The following TNIP3 variants were observed in gnomAD, a reference collection of about 807,000 sequenced individuals.
TNIP3 encodes the protein TNFAIP3 interacting protein 3, also known as TNFAIP3-interacting protein 3.
In TNIP3, 34 loss-of-function variants were observed where a neutral mutation model predicts 54.1. That is an observed-to-expected ratio of 0.63 (90% CI 0.48 to 0.84). TNIP3 has a LOEUF of 0.84. TNIP3 is among the 40% of genes least tolerant of loss of function. TNIP3 has a pLI of 0.00. For synonymous variants in TNIP3, 134 were observed against 136.8 expected (o/e 0.98, Z 0.14); for missense variants, 366 against 387.6 (o/e 0.94, Z 0.47).
intron 1 of TNIP3, among the ~76,000 whole-genome samples, chr4:121,163,579 T>C (rs1730587617): frequency 1.3e-5 from 2 of 152,180 alleles, no homozygotes; most frequent in African/African-American, 2.4e-5. Context: ...CTTAAATGAA[T>C]AGAAGTTTCC....
chr4:121,214,782 G>T (rs1399783616), intron 2 of TNIP3, among the ~76,000 whole-genome samples: 3 of 152,204 alleles, frequency 2.0e-5, no homozygotes, highest in Non-Finnish European at 2.9e-5. Context: ...ATCCTTAAAT[G>T]ACTCCTGTGA....
At chr4:121,223,043 G>T (rs1245450645) in intron 1 of TNIP3, among the ~76,000 whole-genome samples, 2 of 152,158 alleles carry the variant, frequency 1.3e-5, no homozygotes, top group Non-Finnish European at 2.9e-5. Flanking sequence ...CTGACCTCGT[G>T]ATCCGCCCGC....
chr4:121,164,017 A>G, intron 1 of TNIP3, 43 bp downstream of exon 1: 2 of 1,608,064 alleles, frequency 1.2e-6, no homozygotes, highest in Non-Finnish European at 1.7e-6. Context: ...AATGCCATCA[A>G]TGCTAGATGT....
chr4:121,204,369 A>T (rs1247630421), intron 2 of TNIP3, among the ~76,000 whole-genome samples: 2 of 152,126 alleles, frequency 1.3e-5, no homozygotes, highest in Admixed American at 6.6e-5. Context: ...TACCCACTTC[A>T]AGTTGTCCTG....
rs535812923 is a variant in TNIP3 at position 121,209,829 on chromosome 4, T to A, written c.68+6586A>T. Among the ~76,000 whole-genome samples, 5 of 152,326 alleles carry A rather than the reference T, an allele frequency of 3.3e-5. No individual in the cohort carries two copies. The South Asian group carries it at 1.0e-3, about 32-fold the overall frequency. ...CTCACTCAACAAATATTTATTGAAG[T>A]TTGCTGCAGGCCAAGAACTATTCTA... On this transcript the variant is annotated intron_variant, in intron 2 of 12. Transcript: ENST00000507879.
chr4:121,141,616 TTCG>T (rs1185379546), intron 9 of TNIP3, among the ~76,000 whole-genome samples, 197 bp downstream of exon 9: 1 of 152,198 alleles, frequency 6.6e-6, no homozygotes, highest in Non-Finnish European at 1.5e-5. Context: ...AGTTAATTTA[TTCG>T]TATCTATGTG....
chr4:121,213,847 G>C (rs1459734613), intron 2 of TNIP3, among the ~76,000 whole-genome samples: 1 of 151,918 alleles, frequency 6.6e-6, no homozygotes, highest in East Asian at 1.9e-4. Context: ...TTCAAAAAAA[G>C]GATGACCCCA....
At position 121,147,114 on chromosome 4, in the gene TNIP3, CTTGA is replaced by C; in HGVS notation, c.666_669del (p.Asn222LysfsTer17). ...TTAATTTGCTGTAGCTCCTCTTTCT[CTTGA>C]TTAAGTCTCTCTCGATCCGATCGTT... On this transcript the variant is annotated frameshift_variant, in exon 7 of 11. Coordinates refer to ENST00000057513, the MANE Select transcript of TNIP3 (RefSeq NM_024873.6). LOFTEE classifies it high-confidence loss of function. The C allele has an allele frequency of 6.2e-7, 1 of 1,613,430 alleles. No individual in the cohort carries two copies. The highest frequency in any genetic ancestry group is 8.5e-7 in the Non-Finnish European group (1 of 1,179,616).
intron 7 of TNIP3, among the ~76,000 whole-genome samples, chr4:121,144,153 G>A (rs990751665): frequency 6.6e-6 from 1 of 152,152 alleles, no homozygotes; most frequent in African/African-American, 2.4e-5. Context: ...GACTGTACAT[G>A]TCTCTTTTAC....
At chr4:121,195,482 T>C (rs575215681) in intron 2 of TNIP3, among the ~76,000 whole-genome samples, 54 of 152,322 alleles carry the variant, frequency 3.5e-4, no homozygotes, top group Admixed American at 5.2e-4. Flanking sequence ...GAGTGGACCA[T>C]TTTTTCACAG....
chr4:121,150,269 T>C (rs1252423884), intron 5 of TNIP3, 50 bp from the exon 6 acceptor site: 2 of 1,147,770 alleles, frequency 1.7e-6, no homozygotes, highest in East Asian at 4.9e-5. Context: ...CCACATGGAA[T>C]GAATTCTTTT....
At chr4:121,179,254 G>T (rs569394856) in intron 3 of TNIP3, among the ~76,000 whole-genome samples, 11 of 152,156 alleles carry the variant, frequency 7.2e-5, no homozygotes, top group Non-Finnish European at 1.5e-4. Flanking sequence ...AAATATGTAC[G>T]AACTTGGCTT....
At chr4:121,216,346 C>A in intron 2 of TNIP3, 1 of 1,325,474 alleles carries the variant, frequency 7.5e-7, no homozygotes, top group Non-Finnish European at 1.0e-6. Flanking sequence ...ATCATTGCCA[C>A]AAAGCAGAAG....
At chr4:121,135,078 G>T (rs561329221) in intron 10 of TNIP3, among the ~76,000 whole-genome samples, 6 of 152,320 alleles carry the variant, frequency 3.9e-5, no homozygotes, top group African/African-American at 1.2e-4. Context: ...GGGAGAGAAG[G>T]TCGAGGGTCC....
chr4:121,148,323 AG>A (rs538543211), intron 6 of TNIP3, among the ~76,000 whole-genome samples: 18 of 152,230 alleles, frequency 1.2e-4, no homozygotes, highest in Non-Finnish European at 1.9e-4. Context: ...TCAGCAGTAG[AG>A]GCACTGCAAA....
Position 121,197,820 on chromosome 4 carries a change from G to A in TNIP3, c.69-15024C>T, listed in dbSNP as rs184092626. Among the ~76,000 whole-genome samples, 690 of 152,232 alleles carry A rather than the reference G, an allele frequency of 4.5e-3. 4 individuals are homozygous for A. The highest frequency in any genetic ancestry group is 6.7e-3 in the Non-Finnish European group (459 of 68,014). ...TTGGTATTATTCTTGTTAATAAGGA[G>A]AGCCGTATAAGAAAGTCAAAGTCCT... On this transcript the variant is annotated intron_variant, in intron 2 of 12. Coordinates refer to the TNIP3 transcript ENST00000507879.
chr4:121,224,452 CTT>C (rs1727176434), intron 1 of TNIP3, among the ~76,000 whole-genome samples: 1 of 152,148 alleles, frequency 6.6e-6, no homozygotes, highest in Non-Finnish European at 1.5e-5. Flanking sequence ...AGAATCCACA[CTT>C]TGGCTTTTAC....
intron 2 of TNIP3, among the ~76,000 whole-genome samples, chr4:121,190,774 C>T (rs1428714512): frequency 6.6e-6 from 1 of 152,166 alleles, no homozygotes; most frequent in Non-Finnish European, 1.5e-5. Flanking sequence ...GAGCTCAATA[C>T]TCCCCGAACA....
chr4:121,203,907 G>GTATA (rs36026700), intron 2 of TNIP3, among the ~76,000 whole-genome samples: 2 of 147,482 alleles, frequency 1.4e-5, no homozygotes, highest in African/African-American at 5.0e-5. Flanking sequence ...ATATATGTGT[G>GTATA]TATATATATA....
Sources: gnomAD v4.1 joint callset for allele counts (sites outside exome capture counted in the v4.1 genomes callset) on GRCh38, gnomAD v4.1.1 for gene constraint, MANE v1.5 for transcripts, NCBI Gene and HGNC (gene_info 2026-07-23, HGNC 2026-07-21) for gene names.